Variants in ZFHX3 observed in about 807,000 individuals in gnomAD.
ZFHX3 encodes the protein zinc finger homeobox protein 3.
ZFHX3 carries 42 observed loss-of-function variants against 279.1 expected under a neutral mutation model. The ratio of observed to expected loss-of-function variants is 0.15; its 90% CI spans 0.12 to 0.19. The LOEUF (loss-of-function observed/expected upper bound fraction) is 0.19, where lower values mean the gene tolerates loss of function less well. ZFHX3 is among the 10% of genes least tolerant of loss of function. The pLI, the probability that ZFHX3 is intolerant of heterozygous loss-of-function variation, is 1.00. For synonymous variants in ZFHX3, 2,293 were observed against 1,957.8 expected (o/e 1.17, Z -4.52); for missense variants, 4,981 against 4,754.0 (o/e 1.05, Z -1.40).
At chr16:73,784,105 T>C (rs1290474274) in intron 1 of ZFHX3, among the ~76,000 whole-genome samples, 1 of 151,870 alleles carries the variant, frequency 6.6e-6, no homozygotes. Context: ...CTGGCTGTTT[T>C]GGAGAGATGG....
chr16:73,781,293 C>G (rs1296464685), intron 1 of ZFHX3, among the ~76,000 whole-genome samples: 1 of 152,180 alleles, frequency 6.6e-6, no homozygotes, highest in African/African-American at 2.4e-5. Context: ...TTGTAAGGCT[C>G]TACCCCCAAA....
intron 2 of ZFHX3, among the ~76,000 whole-genome samples, chr16:73,527,077 A>G (rs1031418081): frequency 2.0e-5 from 3 of 151,958 alleles, no homozygotes; most frequent in African/African-American, 7.3e-5. Context: ...TCACACATTC[A>G]CCATTTTGAT....
intron 1 of ZFHX3, among the ~76,000 whole-genome samples, chr16:73,846,399 C>A (rs1053567434): frequency 6.6e-6 from 1 of 152,140 alleles, no homozygotes; most frequent in Non-Finnish European, 1.5e-5. Flanking sequence ...AGGTGACTGA[C>A]AAATCACATT....
chr16:73,218,495 G>A (rs2012292888), intron 5 of ZFHX3, among the ~76,000 whole-genome samples: 1 of 152,174 alleles, frequency 6.6e-6, no homozygotes, highest in Admixed American at 6.5e-5. Flanking sequence ...CAGGTCAAGT[G>A]TGGTGGCTCA....
intron 7 of ZFHX3, among the ~76,000 whole-genome samples, chr16:73,124,877 G>C (rs546882937): frequency 6.6e-6 from 1 of 152,274 alleles, no homozygotes; most frequent in African/African-American, 2.4e-5. Context: ...GTTCTGCAGT[G>C]ACATGGCTGG....
At chr16:73,568,497 T>C (rs2020480968) in intron 2 of ZFHX3, among the ~76,000 whole-genome samples, 2 of 152,282 alleles carry the variant, frequency 1.3e-5, no homozygotes, top group South Asian at 4.1e-4. Context: ...CCAAATTACC[T>C]GCCTTTTTGC....
intron 7 of ZFHX3, among the ~76,000 whole-genome samples, chr16:73,113,840 G>C (rs546793507): frequency 7.9e-6 from 1 of 126,874 alleles, no homozygotes; most frequent in East Asian, 2.3e-4. Context: ...TGTCACCCAG[G>C]CTGGAGTGCA....
At chr16:73,328,167 C>T (rs986892181) in intron 3 of ZFHX3, among the ~76,000 whole-genome samples, 2 of 152,034 alleles carry the variant, frequency 1.3e-5, no homozygotes, top group African/African-American at 2.4e-5. Context: ...GTCTTGGATT[C>T]TTGGATCCAT....
At chr16:73,001,382 C>T (rs1963491955) in intron 1 of ZFHX3, among the ~76,000 whole-genome samples, 1 of 152,210 alleles carries the variant, frequency 6.6e-6, no homozygotes, top group Admixed American at 6.5e-5. Context: ...GCAGGGGACC[C>T]AGCTACGCCA....
Position 72,795,438 on chromosome 16 carries a change from T to A in ZFHX3, c.7244A>T (p.Glu2415Val). 6.2e-7 allele frequency: 1 copy of A among 1,614,148 alleles called. No homozygotes were observed. Among genetic ancestry groups the A allele is most frequent in the Non-Finnish European group, 8.5e-7 (1 of 1,180,034 alleles). ...TGTTTTTGAATTGAAGGTGGCCAGT[T>A]CCTCAGCCTCCGCTGTAAGCTGCAA... is the stretch of plus-strand genomic sequence containing the variant. Reference protein sequence around the residue: ...AFLQLTAEAEELATFNSKTEA... With the variant: ...AFLQLTAEAEVLATFNSKTEA... The change falls in exon 9 of 10, where the codon GAA becomes GTA. Residue 2415 changes from glutamate (E) to valine (V), a missense_variant. This residue lies in a region of ZFHX3 where 744 missense variants were observed against 701.3 expected (regional missense o/e 1.06). Coordinates refer to ENST00000268489, the MANE Select transcript of ZFHX3 (RefSeq NM_006885.4).
chr16:73,245,829 A>G (rs1012639036), intron 5 of ZFHX3, among the ~76,000 whole-genome samples: 3 of 152,150 alleles, frequency 2.0e-5, no homozygotes, highest in African/African-American at 7.2e-5. Context: ...TGAAGAAGTG[A>G]AAGCGTAAGA....
At chr16:73,055,694 G>GCACACACACACACACACACACACACACA (rs753027373) in intron 1 of ZFHX3, among the ~76,000 whole-genome samples, 2 of 138,040 alleles carry the variant, frequency 1.4e-5, no homozygotes, top group African/African-American at 2.7e-5. Context: ...GCGCGCGCGC[G>GCACACACACACACACACACACACACACA]CGCGCACACA....
At chr16:73,691,041 A>G (rs930865915) in intron 1 of ZFHX3, among the ~76,000 whole-genome samples, 1 of 152,238 alleles carries the variant, frequency 6.6e-6, no homozygotes, top group African/African-American at 2.4e-5. Flanking sequence ...GACAAAAGGA[A>G]CTGTTGTCCA....
At chr16:73,045,640 C>CATTATT (rs10602067) in intron 1 of ZFHX3, among the ~76,000 whole-genome samples, 8,713 of 142,924 alleles carry the variant, frequency 0.061, 310 homozygotes, top group Non-Finnish European at 0.079. Context: ...CATGGATTTA[C>CATTATT]ATTATTATTA....
intron 1 of ZFHX3, among the ~76,000 whole-genome samples, chr16:73,797,207 A>AAAACAAAC (rs138037268): frequency 4.0e-5 from 6 of 148,770 alleles, no homozygotes; most frequent in Non-Finnish European, 5.9e-5. Flanking sequence ...CTATCTCAAA[A>AAAACAAAC]AAACAAACAA....
intron 1 of ZFHX3, among the ~76,000 whole-genome samples, chr16:73,813,250 T>A (rs2142338992): frequency 6.6e-6 from 1 of 151,304 alleles, no homozygotes; most frequent in Non-Finnish European, 1.5e-5. Context: ...TCTCTCTCTC[T>A]CTCTCTGTTA....
chr16:73,729,521 T>G (rs556675826), intron 1 of ZFHX3, among the ~76,000 whole-genome samples: 1 of 146,824 alleles, frequency 6.8e-6, no homozygotes, highest in South Asian at 2.2e-4. Context: ...AGAATGAGAC[T>G]CCATCTCAAA....
At chr16:73,528,003 T>C (rs1470671851) in intron 2 of ZFHX3, among the ~76,000 whole-genome samples, 1 of 152,218 alleles carries the variant, frequency 6.6e-6, no homozygotes, top group Non-Finnish European at 1.5e-5. Context: ...TATGTATCAA[T>C]AGAAAACTAA....
chr16:72,797,860 T>C lies in ZFHX3; in HGVS notation c.4822A>G (p.Ser1608Gly), dbSNP rs751900028. Residue 1608 changes from serine (S) to glycine (G), a missense_variant, in exon 9 of 10, where the codon AGT becomes GGT. Coordinates refer to ENST00000268489, the MANE Select transcript of ZFHX3 (RefSeq NM_006885.4). ...CNTCNVAYSQ[S>G]STLEIHMRSV... is the part of the protein sequence containing the mutation. Reference sequence around the variant, plus strand: ...CTCATATGGATCTCCAGAGTGGAACTCTGGCTGTAGGCCACATTACAAGTG... The same window carrying C: ...CTCATATGGATCTCCAGAGTGGAACCCTGGCTGTAGGCCACATTACAAGTG... 8 of 1,614,210 alleles carry C rather than the reference T, an allele frequency of 5.0e-6. No individual in the cohort carries two copies. The East Asian group carries it at 1.8e-4, about 36-fold the overall frequency.
Sources: allele counts gnomAD v4.1 joint callset (sites outside exome capture counted in the v4.1 genomes callset), GRCh38; gene constraint gnomAD v4.1.1; regional missense constraint gnomAD v4.1.1; transcripts MANE v1.5; gene names NCBI Gene and HGNC (gene_info 2026-07-23, HGNC 2026-07-21).